KDM4C: variants seen among roughly 807,000 people sequenced by gnomAD.
The protein encoded by KDM4C is lysine-specific demethylase 4C.
In KDM4C, 81 loss-of-function variants were observed where a neutral mutation model predicts 129.3. The ratio of observed to expected loss-of-function variants is 0.63; its 90% CI spans 0.52 to 0.75. The LOEUF is 0.75. KDM4C is among the 30% of genes least tolerant of loss of function. The pLI, the probability that KDM4C is intolerant of heterozygous loss-of-function variation, is 0.00. For synonymous variants in KDM4C, 573 were observed against 456.1 expected (o/e 1.26, Z -3.26); for missense variants, 1,457 against 1,304.0 (o/e 1.12, Z -1.81).
intron 17 of KDM4C, among the ~76,000 whole-genome samples, chr9:7,075,898 T>G (rs2132876450): frequency 6.6e-6 from 1 of 152,224 alleles, no homozygotes; most frequent in Non-Finnish European, 1.5e-5. Flanking sequence ...GGATTTTTAT[T>G]TGGGTGAAAA....
chr9:7,105,963 T>G (rs1386084542), intron 18 of KDM4C, among the ~76,000 whole-genome samples: 1 of 152,212 alleles, frequency 6.6e-6, no homozygotes, highest in Non-Finnish European at 1.5e-5. Context: ...GAAAAGATCA[T>G]ATAATTTACA....
intron 1 of KDM4C, among the ~76,000 whole-genome samples, chr9:6,790,654 CAAAAAAAAAAAAAAA>C (rs1186296239): frequency 1.5e-5 from 1 of 65,216 alleles, no homozygotes; most frequent in Non-Finnish European, 2.6e-5. Flanking sequence ...TTAAATTCAG[CAAAAAAAAAAAAAAA>C]AAAAAAAAAA....
chr9:6,961,484 C>T (rs1212198253), intron 8 of KDM4C, among the ~76,000 whole-genome samples: 2 of 152,124 alleles, frequency 1.3e-5, no homozygotes, highest in African/African-American at 2.4e-5. Flanking sequence ...AAAATGAGTG[C>T]ATAAACTTTC....
intron 8 of KDM4C, among the ~76,000 whole-genome samples, chr9:6,912,268 T>C (rs78684400): frequency 8.5e-4 from 129 of 152,302 alleles, no homozygotes; most frequent in Non-Finnish European, 1.6e-3. Flanking sequence ...TAACGAATAC[T>C]TGATACCATG....
intron 8 of KDM4C, among the ~76,000 whole-genome samples, chr9:6,921,578 T>G (rs1256815060): frequency 1.3e-5 from 2 of 152,354 alleles, no homozygotes; most frequent in African/African-American, 4.8e-5. Context: ...CTATAAGTCA[T>G]TGGCCTGGCT....
At chr9:6,860,206 G>A (rs1840672619) in intron 5 of KDM4C, among the ~76,000 whole-genome samples, 1 of 152,066 alleles carries the variant, frequency 6.6e-6, no homozygotes, top group Non-Finnish European at 1.5e-5. Flanking sequence ...ATGGGGGGGC[G>A]TTTGGAGGTG....
intron 1 of KDM4C, among the ~76,000 whole-genome samples, chr9:6,742,444 G>A (rs916025840): frequency 2.0e-5 from 3 of 151,938 alleles, no homozygotes; most frequent in Non-Finnish European, 4.4e-5. Context: ...CTGAAACAGA[G>A]TTAGTTCAGA....
rs988799909 is a variant in KDM4C, at chr9:6,888,529, A to T, written c.783+466A>T. ...GATAAAATTGCCTGATGATTTAATA[A>T]TCTGATATTGCTTCTGCGAGTTTTC... On this transcript the variant is annotated intron_variant, in intron 7 of 21. Transcript: ENST00000381309. 4.0e-4 allele frequency among the ~76,000 whole-genome samples: 61 copies of T among 152,170 alleles called. 1 individual carries two copies. Among genetic ancestry groups the T allele is most frequent in the Admixed American group, 1.3e-4 (2 of 15,272 alleles).
intron 4 of KDM4C, among the ~76,000 whole-genome samples, chr9:6,816,988 A>G (rs932880806): frequency 2.0e-5 from 3 of 152,076 alleles, no homozygotes; most frequent in Admixed American, 1.3e-4. Flanking sequence ...TATTTCAAAG[A>G]CGATTCTTAT....
chr9:6,880,101 T>C (rs369832034), intron 6 of KDM4C, 40 bp downstream of exon 6: 1 of 1,345,128 alleles, frequency 7.4e-7, no homozygotes, highest in Non-Finnish European at 1.0e-6. Context: ...GTGTTTTATA[T>C]GTTTCTGTGT....
At chr9:6,760,690 C>T (rs1335489141) in intron 1 of KDM4C, among the ~76,000 whole-genome samples, 1 of 151,998 alleles carries the variant, frequency 6.6e-6, no homozygotes, top group Non-Finnish European at 1.5e-5. Context: ...CCTGCCTCAG[C>T]CTCCTGAATA....
intron 1 of KDM4C, among the ~76,000 whole-genome samples, chr9:6,785,500 C>G (rs1825296252): frequency 6.6e-6 from 1 of 152,178 alleles, no homozygotes; most frequent in African/African-American, 2.4e-5. Context: ...CCATGCCTGG[C>G]TAATTTTTTT....
intron 8 of KDM4C, among the ~76,000 whole-genome samples, chr9:6,975,546 C>T (rs1344237073): frequency 1.3e-5 from 2 of 152,100 alleles, no homozygotes; most frequent in Admixed American, 6.5e-5. Context: ...GAGTCCTCTG[C>T]GCCTGTCTCT....
At chr9:6,921,698 CCCCTT>C (rs1563816880) in intron 8 of KDM4C, among the ~76,000 whole-genome samples, 1 of 152,136 alleles carries the variant, frequency 6.6e-6, no homozygotes, top group East Asian at 1.9e-4. Context: ...CTCAGAATCT[CCCCTT>C]CCTAGCTTCC....
chr9:6,754,050 AT>A (rs1403008970), upstream of KDM4C, among the ~76,000 whole-genome samples: 1 of 149,548 alleles, frequency 6.7e-6, no homozygotes, highest in East Asian at 2.0e-4. Flanking sequence ...AATTTTTTGT[AT>A]TTTTAGTAGA....
chr9:7,011,593 G>A, intron 12 of KDM4C, 105 bp from the exon 13 acceptor site: 1 of 1,051,294 alleles, frequency 9.5e-7, no homozygotes, highest in Non-Finnish European at 1.4e-6. Context: ...TTGGTTTCCG[G>A]CCTTAATATC....
chr9:6,923,725 T>C (rs896740454), intron 8 of KDM4C, among the ~76,000 whole-genome samples: 4 of 152,214 alleles, frequency 2.6e-5, no homozygotes, highest in African/African-American at 9.7e-5. Context: ...CAAATGGCTC[T>C]TTATCTTGTT....
At chr9:7,136,858 C>T (rs999009090) in intron 19 of KDM4C, among the ~76,000 whole-genome samples, 1 of 152,174 alleles carries the variant, frequency 6.6e-6, no homozygotes, top group Non-Finnish European at 1.5e-5. Context: ...CTTAATGGAT[C>T]ATGTGCTTTA....
At chr9:6,992,425 A>G (rs752646) in intron 12 of KDM4C, among the ~76,000 whole-genome samples, 38,519 of 152,136 alleles carry the variant, frequency 0.25, 5,652 homozygotes, top group Non-Finnish European at 0.32. Flanking sequence ...AGCTTTTGCA[A>G]CAGTCTTTCT....
Sources: gnomAD v4.1 joint callset for allele counts (sites outside exome capture counted in the v4.1 genomes callset) on GRCh38, gnomAD v4.1.1 for gene constraint, MANE v1.5 for transcripts, NCBI Gene and HGNC (gene_info 2026-07-23, HGNC 2026-07-21) for gene names.